The following GARRE1 variants were observed in gnomAD, a reference collection of about 807,000 sequenced individuals.
GARRE1 encodes granule associated Rac and RHOG effector 1.
In GARRE1, 49 loss-of-function variants were observed where a neutral mutation model predicts 103.2. The observed-to-expected ratio is 0.47, with a 90% CI of 0.38 to 0.60. The LOEUF (loss-of-function observed/expected upper bound fraction) is 0.60, where lower values mean the gene tolerates loss of function less well. Ranked by LOEUF, GARRE1 falls within the 20% of genes least tolerant of loss-of-function variation. The pLI, the probability that GARRE1 is intolerant of heterozygous loss-of-function variation, is 0.00. For missense variants in GARRE1, 1,199 were observed against 1,370.5 expected, an observed-to-expected ratio of 0.87 and a Z score of 1.98; for synonymous variants, 505 against 532.8, an observed-to-expected ratio of 0.95 and a Z score of 0.72.
intron 1 of GARRE1, among the ~76,000 whole-genome samples, chr19:34,290,519 A>T (rs1015150696): frequency 6.6e-6 from 1 of 152,088 alleles, no homozygotes; most frequent in Non-Finnish European, 1.5e-5. Context: ...TCTCTTAGAG[A>T]CAGGGTTTTA....
Position 34,339,883 on chromosome 19 carries a change from C to T in GARRE1, c.1378C>T (p.Pro460Ser). ...TATGCCTAGGTGCCTGAAAGAAGAC[C>T]CTGCTACCATGTCCCTGCTGCAGAG... Reference protein sequence around the residue: ...VPSTWCLKEDPATMSLLQRSL... With the variant: ...VPSTWCLKEDSATMSLLQRSL... The change falls in exon 9 of 14, where the codon CCT (proline) becomes TCT (serine). Residue 460 changes from proline to serine, a missense_variant. Physicochemically the swap from Pro to Ser is moderately conservative, Grantham distance 74 (BLOSUM62 -1). Coordinates refer to ENST00000299505, the MANE Select transcript of GARRE1 (RefSeq NM_014686.5). The T allele has an allele frequency of 6.2e-6, 10 of 1,614,056 alleles. No homozygotes were observed. Among genetic ancestry groups the T allele is most frequent in the Non-Finnish European group, 8.5e-6 (10 of 1,180,002 alleles).
At chr19:34,305,314 C>T (rs1030328859) in intron 2 of GARRE1, among the ~76,000 whole-genome samples, 9 of 152,118 alleles carry the variant, frequency 5.9e-5, no homozygotes, top group Non-Finnish European at 1.2e-4. Flanking sequence ...TAAAGAACCA[C>T]GTTGTTCATC....
chr19:34,334,683 A>T (rs1248616308), intron 8 of GARRE1, among the ~76,000 whole-genome samples: 1 of 146,570 alleles, frequency 6.8e-6, no homozygotes, highest in Non-Finnish European at 1.5e-5. Flanking sequence ...TGGGCAATAG[A>T]GCAAAACTAT....
rs762004202 is a variant in GARRE1 at position 34,268,839 on chromosome 19, A to G, written c.-796+14225A>G. ...AGAAATTGAATATGTGGTGATTACT[A>G]CCCGTTTCATTTACTTTTTTACTTA... On this transcript the variant is annotated intron_variant, in intron 1 of 13. Transcript: ENST00000299505. Among the ~76,000 whole-genome samples, 106 of 152,080 alleles carry G rather than the reference A, an allele frequency of 7.0e-4. 1 individual carries two copies. The highest frequency in any genetic ancestry group is 1.1e-3 in the Non-Finnish European group (75 of 68,016).
intron 1 of GARRE1, among the ~76,000 whole-genome samples, chr19:34,283,274 T>C (rs144386696): frequency 6.6e-5 from 10 of 152,332 alleles, no homozygotes; most frequent in Non-Finnish European, 1.5e-4. Flanking sequence ...TCTTTATAGC[T>C]GCATAGTCCA....
In GARRE1 at chr19:34,341,742, C is replaced by A; in HGVS notation, c.1808C>A (p.Pro603His). Residue 603 changes from proline to histidine, a missense_variant, in exon 10 of 14, where the codon CCT (proline) becomes CAT (histidine). Physicochemically the swap from Pro to His is moderately conservative, Grantham distance 77 (BLOSUM62 -2). Coordinates refer to ENST00000299505, the MANE Select transcript of GARRE1 (RefSeq NM_014686.5). ...NIGNFPRTTD[P>H]SQSAQNSSNT... Reference sequence around the variant, plus strand: ...GGTAATTTCCCCAGGACTACAGACCCTTCACAGTCAGCTCAGAATTCCAGT... The same window carrying A: ...GGTAATTTCCCCAGGACTACAGACCATTCACAGTCAGCTCAGAATTCCAGT... The A allele has an allele frequency of 1.2e-6, 2 of 1,614,198 alleles. No homozygotes were observed. Among genetic ancestry groups the A allele is most frequent in the Non-Finnish European group, 1.7e-6 (2 of 1,180,040 alleles).
At chr19:34,302,292 G>GTTTTTTTTTT (rs397786603) in intron 2 of GARRE1, among the ~76,000 whole-genome samples, 1 of 92,048 alleles carries the variant, frequency 1.1e-5, no homozygotes, top group Non-Finnish European at 1.9e-5. Context: ...GCGCCCAGCC[G>GTTTTTTTTTT]TTTTTTTTTT....
intron 4 of GARRE1, 90 bp downstream of exon 4, chr19:34,327,651 T>C: frequency 1.3e-6 from 2 of 1,501,642 alleles, no homozygotes; most frequent in Non-Finnish European, 1.8e-6. Context: ...TTAGAAAGGG[T>C]TATAGAGTAG....
At chr19:34,283,830 CTTT>C (rs11335136) in intron 1 of GARRE1, among the ~76,000 whole-genome samples, 1 of 117,242 alleles carries the variant, frequency 8.5e-6, no homozygotes, top group African/African-American at 3.6e-5. Context: ...TTCTTTCTTT[CTTT>C]TTTTTTTTTT....
intron 8 of GARRE1, among the ~76,000 whole-genome samples, chr19:34,335,059 A>C (rs1409157845): frequency 6.6e-6 from 1 of 151,996 alleles, no homozygotes; most frequent in Non-Finnish European, 1.5e-5. Flanking sequence ...AAAAAAAAAA[A>C]CCGTTATGAT....
chr19:34,333,754 G>A lies in GARRE1; in HGVS notation c.1314G>A (p.Gln438=), dbSNP rs753033689. Residue 438 remains glutamine (Q), a synonymous_variant, in exon 8 of 14, where the codon CAG becomes CAA. Transcript: ENST00000299505. Reference sequence around the variant, plus strand: ...AGAATAAAGAAGCCTATGCCCCCCAGATCAGTTTAGAAGGCTCTAGAATCG... The same window carrying A: ...AGAATAAAGAAGCCTATGCCCCCCAAATCAGTTTAGAAGGCTCTAGAATCG... ...QIENKEAYAP[Q]ISLEGSRIVV... is the part of the protein sequence containing the mutation. 1.2e-5 allele frequency: 19 copies of A among 1,576,326 alleles called. No homozygotes were observed. Among genetic ancestry groups the A allele is most frequent in the Non-Finnish European group, 1.6e-5 (19 of 1,156,956 alleles).
chr19:34,348,586 A>AT (rs1031694614), intron 11 of GARRE1: 48 of 150,478 alleles, frequency 3.2e-4, no homozygotes, highest in South Asian at 8.4e-4. Flanking sequence ...TTATTTTTAA[A>AT]TTTTTTTTTT....
intron 10 of GARRE1, 24 bp downstream of exon 10, chr19:34,342,479 G>A (rs773058909): frequency 1.6e-5 from 25 of 1,582,444 alleles, no homozygotes; most frequent in Admixed American, 3.5e-5. Flanking sequence ...CCCATCCCTC[G>A]CCCAGTGTCA....
At position 34,300,735 on chromosome 19, in the gene GARRE1, A is replaced by G; in HGVS notation, c.262A>G (p.Asn88Asp). The change falls in exon 2 of 14, where the codon AAC becomes GAC. Residue 88 changes from asparagine to aspartate, a missense_variant. Asn to Asp is a conservative substitution (Grantham distance 23). Coordinates refer to ENST00000299505, the MANE Select transcript of GARRE1 (RefSeq NM_014686.5). Reference sequence around the variant, plus strand: ...CATCTCCAAGTATCTGGATGCCCTGAACGTCTTCTGCCGTGCCAGTACTTT... The same window carrying G: ...CATCTCCAAGTATCTGGATGCCCTGGACGTCTTCTGCCGTGCCAGTACTTT... ...QGISKYLDAL[N>D]VFCRASTFLT... 4 of 1,614,190 alleles carry G rather than the reference A, an allele frequency of 2.5e-6. No homozygotes were observed. The highest frequency in any genetic ancestry group is 3.4e-6 in the Non-Finnish European group (4 of 1,180,030).
intron 2 of GARRE1, among the ~76,000 whole-genome samples, chr19:34,309,520 A>T (rs891780574): frequency 4.6e-5 from 7 of 152,196 alleles, no homozygotes; most frequent in Admixed American, 2.6e-4. Flanking sequence ...TTGTAGAGAC[A>T]GGATCTTGCT....
chr19:34,267,411 G>T (rs1389513421), intron 1 of GARRE1, among the ~76,000 whole-genome samples: 11 of 151,872 alleles, frequency 7.2e-5, no homozygotes, highest in African/African-American at 2.4e-4. Flanking sequence ...TTGCTATGTT[G>T]CCCAGGCTGG....
Position 34,330,340 on chromosome 19 carries a change from C to G in GARRE1, c.1256C>G (p.Ala419Gly). The part of the protein sequence containing the change: ...KTAVQLLFGQ[A>G]GLVVVDTAQI... Reference sequence around the variant, plus strand: ...GCGGTGCAGCTGCTGTTTGGCCAGGCTGGACTGGTGAGTGAGCGTGGGTGG... The same window carrying G: ...GCGGTGCAGCTGCTGTTTGGCCAGGGTGGACTGGTGAGTGAGCGTGGGTGG... The change falls in exon 7 of 14, where the codon GCT becomes GGT. Residue 419 changes from alanine (A) to glycine (G), a missense_variant. Physicochemically the swap from Ala to Gly is moderately conservative, Grantham distance 60. Transcript: ENST00000299505. The G allele has an allele frequency of 6.2e-7, 1 of 1,614,126 alleles. No homozygotes were observed.
intron 2 of GARRE1, among the ~76,000 whole-genome samples, chr19:34,307,334 C>T (rs1027808641): frequency 1.3e-5 from 2 of 152,036 alleles, no homozygotes; most frequent in African/African-American, 4.8e-5. Flanking sequence ...TCTGGTTTTA[C>T]GTTGGGTCCT....
intron 1 of GARRE1, among the ~76,000 whole-genome samples, chr19:34,296,000 T>G (rs1291911961): frequency 1.3e-5 from 2 of 152,270 alleles, no homozygotes; most frequent in Non-Finnish European, 1.5e-5. Flanking sequence ...TCTGGACTTC[T>G]AATTCTACTC....
Sources: gnomAD v4.1 joint callset for allele counts (sites outside exome capture counted in the v4.1 genomes callset) on GRCh38, gnomAD v4.1.1 for gene constraint, MANE v1.5 for transcripts, NCBI Gene and HGNC (gene_info 2026-07-23, HGNC 2026-07-21) for gene names.